The following CDH11 variants were observed in gnomAD, a reference collection of about 807,000 sequenced individuals.
The protein encoded by CDH11 is cadherin 11, also known as cadherin-11.
A neutral mutation model predicts 67.8 loss-of-function variants in CDH11; 11 were observed. The ratio of observed to expected loss-of-function variants is 0.16; its 90% CI spans 0.10 to 0.27. The LOEUF (loss-of-function observed/expected upper bound fraction) is 0.27. Ranked by LOEUF, CDH11 falls within the 10% of genes least tolerant of loss-of-function variation. The pLI is 1.00. For missense variants in CDH11, 847 were observed against 1,031.2 expected (o/e 0.82, Z 2.45); for synonymous variants, 419 against 400.0 (o/e 1.05, Z -0.57).
At chr16:65,059,944 ATTTCT>A (rs1277362827) in intron 1 of CDH11, among the ~76,000 whole-genome samples, 1 of 152,164 alleles carries the variant, frequency 6.6e-6, no homozygotes, top group Non-Finnish European at 1.5e-5. Flanking sequence ...TTTTATCTGT[ATTTCT>A]TGCCCAAATT....
chr16:64,979,256 C>T (rs2072261242), intron 8 of CDH11, among the ~76,000 whole-genome samples: 2 of 152,104 alleles, frequency 1.3e-5, no homozygotes, highest in South Asian at 2.1e-4. Context: ...TTGAGACCAG[C>T]GTGGCCAACA....
chr16:65,020,464 G>A, intron 2 of CDH11, among the ~76,000 whole-genome samples: 1 of 152,112 alleles, frequency 6.6e-6, no homozygotes, highest in East Asian at 1.9e-4. Flanking sequence ...CAAGTAGCTG[G>A]AATTACAAGA....
intron 1 of CDH11, among the ~76,000 whole-genome samples, chr16:65,114,063 G>C (rs1177129624): frequency 6.6e-6 from 1 of 152,160 alleles, no homozygotes; most frequent in African/African-American, 2.4e-5. Flanking sequence ...TTACCATAAA[G>C]GTTATTTCAG....
At chr16:65,105,903 C>G (rs1394400761) in intron 1 of CDH11, among the ~76,000 whole-genome samples, 1 of 152,198 alleles carries the variant, frequency 6.6e-6, no homozygotes, top group Non-Finnish European at 1.5e-5. Flanking sequence ...ATGCTATTAC[C>G]ATGAATTTCA....
intron 1 of CDH11, among the ~76,000 whole-genome samples, chr16:65,114,635 T>G (rs1441141814): frequency 1.3e-5 from 2 of 152,240 alleles, no homozygotes; most frequent in African/African-American, 4.8e-5. Flanking sequence ...AGATATTCCC[T>G]TTCATTGCAA....
In CDH11 at chr16:65,099,882, T is replaced by G. The variant is rs1452051144; in HGVS notation, c.-298+21998A>C. Among the ~76,000 whole-genome samples, 5 of 151,912 alleles carry G rather than the reference T, an allele frequency of 3.3e-5. No individual in the cohort carries two copies. In the East Asian group the frequency reaches 7.8e-4, roughly 24 times the overall value. On this transcript the variant is annotated intron_variant, in intron 1 of 12. Coordinates refer to ENST00000268603, the MANE Select transcript of CDH11 (RefSeq NM_001797.4). ...ATGAACTCTTCATGCAGTTCACAGT[T>G]GTGTGGAAGAGGTAGAGTAAAAGTG...
chr16:65,034,702 AG>A (rs1300213014), intron 2 of CDH11, among the ~76,000 whole-genome samples: 2 of 152,218 alleles, frequency 1.3e-5, no homozygotes, highest in Non-Finnish European at 2.9e-5. Context: ...TCCCAGAATT[AG>A]AGCCCCGCAC....
intron 3 of CDH11, among the ~76,000 whole-genome samples, chr16:65,004,019 T>C (rs2072987651): frequency 6.6e-6 from 1 of 151,606 alleles, no homozygotes. Context: ...AGCTGGAAAA[T>C]GGTTAAATAA....
chr16:64,954,987 C>T (rs953295504), intron 11 of CDH11, among the ~76,000 whole-genome samples: 3 of 151,658 alleles, frequency 2.0e-5, no homozygotes, highest in Non-Finnish European at 4.4e-5. Flanking sequence ...TGGCTTACGC[C>T]TGTAATCCCA....
intron 1 of CDH11, among the ~76,000 whole-genome samples, chr16:65,120,088 G>C (rs1394322353): frequency 6.6e-6 from 1 of 152,128 alleles, no homozygotes; most frequent in Non-Finnish European, 1.5e-5. Context: ...TGTCCTATTG[G>C]AAGAAGACCA....
At chr16:65,099,701 T>C (rs973912713) in intron 1 of CDH11, among the ~76,000 whole-genome samples, 1 of 152,156 alleles carries the variant, frequency 6.6e-6, no homozygotes, top group African/African-American at 2.4e-5. Flanking sequence ...AATGGAAATG[T>C]AGAAATATAA....
chr16:65,001,298 A>C (rs2072914130), intron 3 of CDH11, among the ~76,000 whole-genome samples: 1 of 152,216 alleles, frequency 6.6e-6, no homozygotes, highest in Non-Finnish European at 1.5e-5. Flanking sequence ...TCTGATGAAT[A>C]AGTCCATTTG....
At chr16:64,991,742 A>T in intron 6 of CDH11, 26 bp downstream of exon 6, 12 of 1,580,476 alleles carry the variant, frequency 7.6e-6, no homozygotes, top group Non-Finnish European at 1.0e-5. Context: ...ACCATGGAAA[A>T]GTGAAAGCCA....
rs560367208 is a variant in CDH11, at chr16:65,105,557, C to A, written c.-298+16323G>T. On this transcript the variant is annotated intron_variant, in intron 1 of 12. Transcript: ENST00000268603. The stretch of plus-strand genomic sequence containing the variant: ...TATGAAAATGAAAGTTGGATTAGCA[C>A]AATTTCTCACATTTGAGAGCATGTG... Among the ~76,000 whole-genome samples the A allele has an allele frequency of 2.0e-4, 30 of 152,344 alleles. 1 individual carries two copies. The highest frequency in any genetic ancestry group is 7.2e-4 in the African/African-American group (30 of 41,572).
upstream of CDH11, among the ~76,000 whole-genome samples, chr16:65,123,386 G>A (rs934574929): frequency 6.6e-6 from 1 of 151,998 alleles, no homozygotes; most frequent in African/African-American, 2.4e-5. Context: ...GGAGGCTGCG[G>A]AGGGAAAGCT....
intron 1 of CDH11, among the ~76,000 whole-genome samples, chr16:65,054,901 C>T (rs12598268): frequency 0.13 from 19,205 of 152,186 alleles, 1,797 homozygotes; most frequent in East Asian, 0.39. Context: ...GAACACCATA[C>T]ACAAAGCCTT....
intron 11 of CDH11, 52 bp downstream of exon 11, chr16:64,971,527 C>G (rs2072004493): frequency 1.9e-6 from 2 of 1,045,386 alleles, no homozygotes; most frequent in African/African-American, 1.6e-5. Flanking sequence ...ATGTAAACGC[C>G]ATTTGTTTTC....
chr16:65,016,665 C>G (rs1210287348), intron 2 of CDH11, among the ~76,000 whole-genome samples: 1 of 152,168 alleles, frequency 6.6e-6, no homozygotes, highest in Non-Finnish European at 1.5e-5. Context: ...AAATGGGGTT[C>G]AGCCTGGGAG....
At chr16:65,059,597 T>C (rs2074204043) in intron 1 of CDH11, 1 of 152,058 alleles carries the variant, frequency 6.6e-6, no homozygotes, top group Admixed American at 6.6e-5. Flanking sequence ...ATAAAAAGAC[T>C]AGAGGCCTTG....
Sources: gnomAD v4.1 joint callset for allele counts (sites outside exome capture counted in the v4.1 genomes callset) on GRCh38, gnomAD v4.1.1 for gene constraint, MANE v1.5 for transcripts, NCBI Gene and HGNC (gene_info 2026-07-23, HGNC 2026-07-21) for gene names.